Variants in EPSTI1 observed in about 807,000 individuals in gnomAD.
The protein encoded by EPSTI1 is epithelial-stromal interaction protein 1.
EPSTI1 carries 66 observed loss-of-function variants against 49.9 expected under a neutral mutation model. The observed-to-expected ratio is 1.32, with a 90% CI of 1.08 to 1.62. The LOEUF (loss-of-function observed/expected upper bound fraction) is 1.62. EPSTI1 is among the 40% of genes most tolerant of loss of function. The pLI is 0.00. For missense variants in EPSTI1, 394 were observed against 365.5 expected (o/e 1.08, Z -0.64); for synonymous variants, 137 against 130.7 (o/e 1.05, Z -0.33).
intron 7 of EPSTI1, among the ~76,000 whole-genome samples, chr13:42,921,420 T>C (rs1206067220): frequency 1.3e-5 from 2 of 152,174 alleles, no homozygotes; most frequent in African/African-American, 2.4e-5. Flanking sequence ...TGAATAAAGA[T>C]AGTTTCAGAC....
rs1315171398 is a variant in EPSTI1, at chr13:42,887,613, A to G, written c.*881T>C. 1.3e-5 allele frequency: 2 copies of G among 152,228 alleles called. No individual in the cohort carries two copies. The highest frequency in any genetic ancestry group is 2.9e-5 in the Non-Finnish European group (2 of 68,048). 9.4% of individuals were successfully genotyped at this position (152,228 alleles called of 1,614,324 possible). ...CTAGATTACACAGCGTAGAAAATCAATGCTCTTACACTCTAGGGTCTGAGA... is the reference window on the plus strand; with the variant it reads ...CTAGATTACACAGCGTAGAAAATCAGTGCTCTTACACTCTAGGGTCTGAGA... On this transcript the variant is annotated 3_prime_UTR_variant, in exon 11 of 11. Transcript: ENST00000313624.
chr13:42,896,452 C>G (rs1480732480), intron 9 of EPSTI1, among the ~76,000 whole-genome samples: 1 of 152,146 alleles, frequency 6.6e-6, no homozygotes, highest in Non-Finnish European at 1.5e-5. Flanking sequence ...GTCTTTTTGT[C>G]ATTAACAAAG....
At chr13:42,975,627 A>G (rs2039865843) in intron 1 of EPSTI1, among the ~76,000 whole-genome samples, 2 of 152,336 alleles carry the variant, frequency 1.3e-5, no homozygotes, top group Admixed American at 1.3e-4. Flanking sequence ...AACTAGAAAA[A>G]AAGTGCTGCT....
intron 8 of EPSTI1, among the ~76,000 whole-genome samples, chr13:42,917,194 C>T: frequency 6.6e-6 from 1 of 152,140 alleles, no homozygotes; most frequent in East Asian, 1.9e-4. Context: ...TGGATACCAT[C>T]TCTAATTTCA....
intron 10 of EPSTI1, among the ~76,000 whole-genome samples, chr13:42,892,390 C>A (rs1335581230): frequency 6.6e-6 from 1 of 152,016 alleles, no homozygotes; most frequent in Non-Finnish European, 1.5e-5. Context: ...CTGAGAGAGG[C>A]TGGAAGCAGG....
At chr13:42,963,147 G>GAA (rs1053721254) in intron 5 of EPSTI1, 108 bp downstream of exon 5, 1 of 884,276 alleles carries the variant, frequency 1.1e-6, no homozygotes, top group Non-Finnish European at 1.8e-6. Context: ...TAGAAAGAGA[G>GAA]AGAGAGAGAA....
rs565305936 is a variant in EPSTI1, at chr13:42,988,756, T to C, written c.188+3222A>G. On this transcript the variant is annotated intron_variant, in intron 1 of 10. Transcript: ENST00000313624. ...AAAAAAAAAAAAAAAGAACTCAATCTTGTCTGAGAGTCTATCAGAGGTACT... is the reference window on the plus strand; with the variant it reads ...AAAAAAAAAAAAAAAGAACTCAATCCTGTCTGAGAGTCTATCAGAGGTACT... 8.5e-5 allele frequency among the ~76,000 whole-genome samples: 13 copies of C among 152,126 alleles called. No homozygotes were observed. The South Asian group carries it at 2.7e-3, about 32-fold the overall frequency.
chr13:42,975,351 AAC>A lies in EPSTI1; in HGVS notation c.189-4683_189-4682del, dbSNP rs77806801. ...AAGTATTCCACATCTCCAGTGTGGA[AAC>A]ATTTATGAATTGTCTTTGGCCTCAG... On this transcript the variant is annotated intron_variant, in intron 1 of 10. Transcript: ENST00000313624. 1.4e-3 allele frequency among the ~76,000 whole-genome samples: 216 copies of A among 152,344 alleles called. 1 individual carries two copies. Among genetic ancestry groups the A allele is most frequent in the Middle Eastern group, 3.4e-3 (1 of 294 alleles).
chr13:42,979,364 G>A (rs2039941405), intron 1 of EPSTI1, among the ~76,000 whole-genome samples: 1 of 152,076 alleles, frequency 6.6e-6, no homozygotes, highest in Non-Finnish European at 1.5e-5. Context: ...GGATCACGAG[G>A]TCAGGAGATG....
intron 1 of EPSTI1, among the ~76,000 whole-genome samples, chr13:42,971,856 G>T (rs1269129138): frequency 6.6e-6 from 1 of 152,220 alleles, no homozygotes; most frequent in East Asian, 1.9e-4. Context: ...AAATGGGGCT[G>T]CTGGATGCCC....
Position 42,922,709 on chromosome 13 carries a change from T to A in EPSTI1, c.657+3627A>T, listed in dbSNP as rs2038048128. On this transcript the variant is annotated intron_variant, in intron 7 of 10. Transcript: ENST00000313624. The surrounding 1 kb of genome is among the most constrained non-coding windows in gnomAD (Gnocchi z 4.8). ...TTCAAGCGGCGCAAAGGGACACATG[T>A]TAAGTACTTTATTTGACTTCTTAAT... 6.6e-6 allele frequency among the ~76,000 whole-genome samples: 1 copy of A among 152,154 alleles called. No homozygotes were observed. Among genetic ancestry groups the A allele is most frequent in the South Asian group, 2.1e-4 (1 of 4,814 alleles).
At position 42,963,254 on chromosome 13, in the gene EPSTI1, C is replaced by G. The variant is rs746679671; in HGVS notation, c.489+1G>C. 2 of 1,611,774 alleles carry G rather than the reference C, an allele frequency of 1.2e-6. No homozygotes were observed. The highest frequency in any genetic ancestry group is 1.7e-6 in the Non-Finnish European group (2 of 1,178,258). ...TGTGAACTAATCCTCCTCCTCCTTA[C>G]CTTCTCTCTCTGAATTGCCTTCATT... On this transcript the variant is annotated splice_donor_variant, in intron 5 of 10. Coordinates refer to ENST00000313624, the MANE Select transcript of EPSTI1 (RefSeq NM_033255.5). LOFTEE classifies it high-confidence loss of function.
At chr13:42,971,236 G>A (rs748756589) in intron 1 of EPSTI1, among the ~76,000 whole-genome samples, 4 of 152,268 alleles carry the variant, frequency 2.6e-5, no homozygotes, top group South Asian at 2.1e-4. Context: ...TCAACCAGGC[G>A]GATCAGGGAA....
intron 7 of EPSTI1, among the ~76,000 whole-genome samples, chr13:42,923,298 C>T (rs1317496753): frequency 1.3e-5 from 2 of 152,200 alleles, no homozygotes; most frequent in Admixed American, 1.3e-4. Context: ...CGGTGGCTCA[C>T]ACCTGTAATC....
At chr13:42,900,226 A>AT in intron 9 of EPSTI1, 84 bp downstream of exon 9, 1 of 1,193,072 alleles carries the variant, frequency 8.4e-7, no homozygotes, top group Non-Finnish European at 1.2e-6. Flanking sequence ...TAATAATGTT[A>AT]TCGTAATGCT....
In EPSTI1 at chr13:42,964,155, T is replaced by C. The variant is rs201715995; in HGVS notation, c.332-16A>G. ...TGGCTTCCACCTTAGGAAAAAAAAA[T>C]CCATGAAGGTGAAACATAAATATTA... On this transcript the variant is annotated splice_polypyrimidine_tract_variant and intron_variant, in intron 3 of 10. Transcript: ENST00000313624. 2 of 1,603,652 alleles carry C rather than the reference T, an allele frequency of 1.2e-6. No individual in the cohort carries two copies. Among genetic ancestry groups the C allele is most frequent in the African/African-American group, 2.7e-5 (2 of 73,868 alleles).
chr13:42,955,888 G>GA (rs1566154287), intron 5 of EPSTI1, among the ~76,000 whole-genome samples: 1 of 138,052 alleles, frequency 7.2e-6, no homozygotes, highest in Non-Finnish European at 1.6e-5. Flanking sequence ...GGGGGGGGGG[G>GA]GAAGTAGTAG....
chr13:42,985,860 C>T (rs929050921), intron 1 of EPSTI1, among the ~76,000 whole-genome samples: 3 of 152,186 alleles, frequency 2.0e-5, no homozygotes, highest in African/African-American at 7.2e-5. Flanking sequence ...ATGGACAACC[C>T]CAGATTTTCT....
rs183056373 is a variant in EPSTI1 at position 42,974,929 on chromosome 13, C to T, written c.189-4259G>A. Reference sequence around the variant, plus strand: ...AGAAATGCAGTTAAGAGCAAAAGTTCGGAAAGAGAAAATTAAGTGAAAAAC... The same window carrying T: ...AGAAATGCAGTTAAGAGCAAAAGTTTGGAAAGAGAAAATTAAGTGAAAAAC... On this transcript the variant is annotated intron_variant, in intron 1 of 10. Coordinates refer to ENST00000313624, the MANE Select transcript of EPSTI1 (RefSeq NM_033255.5). Among the ~76,000 whole-genome samples the T allele has an allele frequency of 4.8e-3, 734 of 151,906 alleles. 5 individuals are homozygous for T. The highest frequency in any genetic ancestry group is 0.011 in the South Asian group (51 of 4,796).
Sources: gnomAD v4.1 joint callset for allele counts (sites outside exome capture counted in the v4.1 genomes callset) on GRCh38, gnomAD v4.1.1 for gene constraint, Gnocchi (gnomAD v3.1) non-coding constraint, MANE v1.5 for transcripts, NCBI Gene and HGNC (gene_info 2026-07-23, HGNC 2026-07-21) for gene names.